Variants in ASAP2 observed in about 807,000 individuals in gnomAD.
The protein encoded by ASAP2 is arf-GAP with SH3 domain, ANK repeat and PH domain-containing protein 2.
In ASAP2, 45 loss-of-function variants were observed where a neutral mutation model predicts 131.4. The observed-to-expected ratio is 0.34, with a 90% CI of 0.27 to 0.44. ASAP2 has a LOEUF of 0.44. Among genes scored for constraint, ASAP2 ranks in the 20% least tolerant of loss-of-function variants. ASAP2 has a pLI of 1.00. For missense variants in ASAP2, 1,011 were observed against 1,297.0 expected, an observed-to-expected ratio of 0.78 and a Z score of 3.39; for synonymous variants, 510 against 503.0, an observed-to-expected ratio of 1.01 and a Z score of -0.19.
rs150035291 is a variant in ASAP2 at position 9,331,640 on chromosome 2, C to T, written c.687-3098C>T. On this transcript the variant is annotated intron_variant, in intron 7 of 27. Transcript: ENST00000281419. ...AAAATTAGCCGGATGCGGTAGTGCA[C>T]ACCTGTAGTCCCGGCTACTCGGGAG... is the stretch of plus-strand genomic sequence containing the variant. 6.9e-3 allele frequency among the ~76,000 whole-genome samples: 1,044 copies of T among 152,250 alleles called. 38 individuals carry two copies. The highest frequency in any genetic ancestry group is 0.064 in the Admixed American group (974 of 15,294).
intron 1 of ASAP2, among the ~76,000 whole-genome samples, chr2:9,235,556 A>G (rs1039088326): frequency 6.6e-6 from 1 of 152,106 alleles, no homozygotes; most frequent in Admixed American, 6.5e-5. Context: ...AGCCCAGTAC[A>G]TTAGGGAGTG....
Position 9,259,999 on chromosome 2 carries a change from T to G in ASAP2, c.127-19318T>G, listed in dbSNP as rs11692186. 5.4e-3 allele frequency among the ~76,000 whole-genome samples: 818 copies of G among 151,516 alleles called. 8 individuals carry two copies. The highest frequency in any genetic ancestry group is 0.019 in the African/African-American group (786 of 41,054). On this transcript the variant is annotated intron_variant, in intron 1 of 27. Coordinates refer to ENST00000281419, the MANE Select transcript of ASAP2 (RefSeq NM_003887.3). Reference sequence around the variant, plus strand: ...CTCCCCTATCTGGGAAACTCTGTGGTTGAGGAACCCCACTTACAAGGCCCC... The same window carrying G: ...CTCCCCTATCTGGGAAACTCTGTGGGTGAGGAACCCCACTTACAAGGCCCC...
chr2:9,318,263 C>T (rs1669932828), intron 3 of ASAP2, among the ~76,000 whole-genome samples: 1 of 152,186 alleles, frequency 6.6e-6, no homozygotes, highest in Admixed American at 6.5e-5. Context: ...ATGATTGTCT[C>T]TTTACAAACT....
rs200225020 is a variant in ASAP2 at position 9,374,768 on chromosome 2, G to A, written c.1570G>A (p.Asp524Asn). The A allele has an allele frequency of 5.6e-5, 89 of 1,601,764 alleles. No homozygotes were observed. The highest frequency in any genetic ancestry group is 6.8e-6 in the Non-Finnish European group (8 of 1,175,652). The change falls in exon 17 of 28, where the codon GAC becomes AAC. Residue 524 changes from aspartate (D) to asparagine (N), a missense_variant. Asp to Asn is a conservative substitution (Grantham distance 23). Transcript: ENST00000281419. ...GTTTGGTTTCAGGAATGCAAGAAAG[G>A]ACTACATCACAGCCAAGTACATCGA... is the stretch of plus-strand genomic sequence containing the variant. ...NPGSDMNARKDYITAKYIERR... is the reference protein window; with the variant it reads ...NPGSDMNARKNYITAKYIERR...
chr2:9,285,595 TCTTA>T lies in ASAP2; in HGVS notation c.199+6210_199+6213del, dbSNP rs1340143449. On this transcript the variant is annotated intron_variant, in intron 2 of 27. Transcript: ENST00000281419. ...GATGGATTGCTTATTTATTTTAAAC[TCTTA>T]CTTGTCTAAAATTTCCCAAGCTCTG... 6.6e-5 allele frequency among the ~76,000 whole-genome samples: 10 copies of T among 152,232 alleles called. No homozygotes were observed. In the East Asian group the frequency reaches 1.5e-3, roughly 23 times the overall value.
intron 15 of ASAP2, among the ~76,000 whole-genome samples, chr2:9,368,206 T>C (rs980252659): frequency 6.6e-6 from 1 of 152,236 alleles, no homozygotes; most frequent in African/African-American, 2.4e-5. Context: ...AGAGCGCGTT[T>C]TATGACAATG....
chr2:9,359,211 T>A (rs1049031908), intron 15 of ASAP2, among the ~76,000 whole-genome samples: 4 of 152,246 alleles, frequency 2.6e-5, no homozygotes, highest in African/African-American at 9.6e-5. Context: ...AGATGTGGAA[T>A]GCAACGTCTA....
At chr2:9,214,392 A>G (rs1661840371) in intron 1 of ASAP2, among the ~76,000 whole-genome samples, 1 of 152,100 alleles carries the variant, frequency 6.6e-6, no homozygotes, top group Admixed American at 6.5e-5. Context: ...GGTGACTGCC[A>G]CCATGCCCGG....
chr2:9,324,343 A>G (rs1670348958), intron 6 of ASAP2, among the ~76,000 whole-genome samples: 1 of 152,254 alleles, frequency 6.6e-6, no homozygotes, highest in Admixed American at 6.5e-5. Context: ...TTGAAAGTTA[A>G]GTCCATTTTG....
Position 9,404,444 on chromosome 2 carries a change from GGTA to G in ASAP2, c.*1122_*1124del, listed in dbSNP as rs1202149836. ...ATATCATTCTTAAGCTACTTGGGGT[GGTA>G]GTAGAGGATTAGGTTGTCTATTATA... On this transcript the variant is annotated 3_prime_UTR_variant, in exon 28 of 28. Transcript: ENST00000281419. 5 of 152,110 alleles carry G rather than the reference GGTA, an allele frequency of 3.3e-5. 1 individual carries two copies. The highest frequency in any genetic ancestry group is 2.0e-4 in the Admixed American group (3 of 15,274). 9.4% of individuals were successfully genotyped at this position (152,110 alleles called of 1,614,324 possible). A position where few individuals can be genotyped will look rare whatever the true frequency, so the allele number is the denominator to read the frequency against.
intron 11 of ASAP2, 145 bp downstream of exon 11, chr2:9,344,945 C>T (rs1671864733): frequency 3.5e-6 from 2 of 571,166 alleles, no homozygotes; most frequent in Non-Finnish European, 5.9e-6. Flanking sequence ...GTCAGAAACG[C>T]TTGCTGGCCT....
intron 2 of ASAP2, among the ~76,000 whole-genome samples, chr2:9,289,564 G>A (rs1667669376): frequency 6.6e-6 from 1 of 152,092 alleles, no homozygotes; most frequent in African/African-American, 2.4e-5. Context: ...ATATGCAGTA[G>A]CCCAGTCTCC....
In ASAP2 at chr2:9,376,928, C is replaced by T; in HGVS notation, c.1767C>T (p.Leu589=). 1 of 1,614,172 alleles carries T rather than the reference C, an allele frequency of 6.2e-7. No homozygotes were observed. Among genetic ancestry groups the T allele is most frequent in the Non-Finnish European group, 8.5e-7 (1 of 1,180,022 alleles). ...ANGHEPDETA[L]HLAVRSVDRT... ...TTCAGGAGCCGGATGAAACGGCCCT[C>T]CACCTTGCAGTCAGATCCGTGGATC... Residue 589 remains leucine, a synonymous_variant, in exon 18 of 28, where the codon CTC becomes CTT. Transcript: ENST00000281419.
At chr2:9,210,695 C>T (rs556843917) in intron 1 of ASAP2, among the ~76,000 whole-genome samples, 3 of 151,926 alleles carry the variant, frequency 2.0e-5, no homozygotes, top group South Asian at 4.2e-4. Context: ...GCTGGGACTA[C>T]AGGTGCCCGC....
intron 2 of ASAP2, among the ~76,000 whole-genome samples, chr2:9,289,776 G>A (rs184323556): frequency 6.3e-4 from 96 of 152,270 alleles, no homozygotes; most frequent in African/African-American, 2.3e-3. Context: ...TTTTAATAGC[G>A]CACACCTTGG....
chr2:9,256,896 C>T (rs1165575529), intron 1 of ASAP2, among the ~76,000 whole-genome samples: 1 of 152,238 alleles, frequency 6.6e-6, no homozygotes, highest in Non-Finnish European at 1.5e-5. Context: ...CACCCTCAGT[C>T]CTTGTTCCTC....
Position 9,232,962 on chromosome 2 carries a change from C to G in ASAP2, c.126+25732C>G, listed in dbSNP as rs1438776266. Among the ~76,000 whole-genome samples, 1 of 152,230 alleles carries G rather than the reference C, an allele frequency of 6.6e-6. No homozygotes were observed. The highest frequency in any genetic ancestry group is 1.5e-5 in the Non-Finnish European group (1 of 68,042). ...ACGTGTTCCCAGCTGCAGTTTTGTT[C>G]TGTATCTATTGCCAGCAGGAATCCA... On this transcript the variant is annotated intron_variant, in intron 1 of 27. Coordinates refer to ENST00000281419, the MANE Select transcript of ASAP2 (RefSeq NM_003887.3). The surrounding 1 kb of genome is among the most constrained non-coding windows in gnomAD (Gnocchi z 4.1).
At chr2:9,397,745 TATATA>T (rs199989550) in intron 24 of ASAP2, among the ~76,000 whole-genome samples, 17 of 90,998 alleles carry the variant, frequency 1.9e-4, no homozygotes, top group African/African-American at 9.4e-4. Context: ...TATATATATA[TATATA>T]TTTTTTTTTT....
intron 2 of ASAP2, among the ~76,000 whole-genome samples, chr2:9,282,232 T>C (rs994982653): frequency 4.6e-5 from 7 of 152,130 alleles, no homozygotes; most frequent in Non-Finnish European, 8.8e-5. Flanking sequence ...TAGCCATCTA[T>C]TATGTCATGC....
Sources: allele counts gnomAD v4.1 joint callset (sites outside exome capture counted in the v4.1 genomes callset), GRCh38; gene constraint gnomAD v4.1.1; non-coding constraint Gnocchi (gnomAD v3.1); transcripts MANE v1.5; gene names NCBI Gene and HGNC (gene_info 2026-07-23, HGNC 2026-07-21).